ADCY2: variants seen among roughly 807,000 people sequenced by gnomAD.
ADCY2 encodes adenylate cyclase type 2.
Under a neutral mutation model 125.2 loss-of-function variants are expected in ADCY2, and 31 were observed. The ratio of observed to expected loss-of-function variants is 0.25; its 90% confidence interval spans 0.19 to 0.33. The LOEUF (loss-of-function observed/expected upper bound fraction) is 0.33, where lower values mean the gene tolerates loss of function less well. ADCY2 is among the 10% of genes least tolerant of loss of function. ADCY2 has a pLI of 1.00. For missense variants in ADCY2, 904 were observed against 1,418.2 expected (o/e 0.64, Z 5.82); for synonymous variants, 512 against 548.4 (o/e 0.93, Z 0.93).
At chr5:7,495,748 G>C (rs1743326074) in intron 2 of ADCY2, among the ~76,000 whole-genome samples, 1 of 152,020 alleles carries the variant, frequency 6.6e-6, no homozygotes, top group East Asian at 1.9e-4. Flanking sequence ...TGCTAAATCT[G>C]AACATTTTGA....
intron 4 of ADCY2, among the ~76,000 whole-genome samples, chr5:7,674,111 T>C (rs1740034796): frequency 6.6e-6 from 1 of 152,100 alleles, no homozygotes; most frequent in Non-Finnish European, 1.5e-5. Context: ...AGCTTCGGTG[T>C]TGGATTGACC....
chr5:7,688,739 G>A (rs1740613214), intron 4 of ADCY2, among the ~76,000 whole-genome samples: 1 of 152,124 alleles, frequency 6.6e-6, no homozygotes, highest in Non-Finnish European at 1.5e-5. Flanking sequence ...ACCACCCACA[G>A]GGTGCCTCAC....
intron 3 of ADCY2, among the ~76,000 whole-genome samples, chr5:7,550,445 A>G (rs527563800): frequency 3.9e-4 from 59 of 152,294 alleles, no homozygotes; most frequent in African/African-American, 1.4e-3. Flanking sequence ...GAATATCTCA[A>G]TGGCAGTGAC....
At chr5:7,664,762 A>T (rs1400202739) in intron 4 of ADCY2, among the ~76,000 whole-genome samples, 5 of 152,154 alleles carry the variant, frequency 3.3e-5, no homozygotes, top group African/African-American at 1.2e-4. Flanking sequence ...ATCATCAACT[A>T]AGAGACAGGC....
At chr5:7,484,661 C>T (rs1742857936) in intron 2 of ADCY2, among the ~76,000 whole-genome samples, 1 of 152,196 alleles carries the variant, frequency 6.6e-6, no homozygotes, top group Admixed American at 6.5e-5. Context: ...CTTCTATCCT[C>T]TTTCTTTCTA....
intron 2 of ADCY2, among the ~76,000 whole-genome samples, chr5:7,504,897 G>A (rs891833140): frequency 6.6e-6 from 1 of 151,654 alleles, no homozygotes; most frequent in Non-Finnish European, 1.5e-5. Context: ...TTTTAAGACA[G>A]GCTCTCATTT....
At chr5:7,706,604 G>T (rs1741274470) in intron 7 of ADCY2, 140 bp from the exon 8 acceptor site, 1 of 901,074 alleles carries the variant, frequency 1.1e-6, no homozygotes, top group Non-Finnish European at 1.7e-6. Flanking sequence ...TCAGAGGAGT[G>T]ATCTCCTGCC....
rs1579301382 is a variant in ADCY2 at position 7,673,261 on chromosome 5, A to AT, written c.721-17430_721-17429insT. 2.7e-3 allele frequency among the ~76,000 whole-genome samples: 20 copies of AT among 7,546 alleles called. No homozygotes were observed. In the East Asian group the frequency reaches 0.03, roughly 11 times the overall value. The allele number at this position is 7,546 out of a possible 152,430, so 5.0% of individuals were successfully genotyped here. A position where few individuals can be genotyped will look rare whatever the true frequency, so the allele number is the denominator to read the frequency against. On this transcript the variant is annotated intron_variant, in intron 4 of 24. Coordinates refer to ENST00000338316, the MANE Select transcript of ADCY2 (RefSeq NM_020546.3). ...CTCCAAAAAAAAAAAAAAAAAAAAA[A>AT]AAAAAAAAATATATATATATATATA...
At chr5:7,447,423 C>T (rs1045184742) in intron 2 of ADCY2, among the ~76,000 whole-genome samples, 4 of 152,180 alleles carry the variant, frequency 2.6e-5, no homozygotes, top group African/African-American at 4.8e-5. Context: ...ATAGGGATCC[C>T]TTCACTTCAG....
intron 2 of ADCY2, among the ~76,000 whole-genome samples, chr5:7,450,562 C>T (rs1020577439): frequency 1.3e-5 from 2 of 152,178 alleles, no homozygotes; most frequent in Admixed American, 1.3e-4. Context: ...AATGCTGATG[C>T]ATGTTATCTG....
chr5:7,810,048 A>G (rs1388848134), intron 22 of ADCY2, among the ~76,000 whole-genome samples: 1 of 151,978 alleles, frequency 6.6e-6, no homozygotes, highest in Admixed American at 6.6e-5. Context: ...TGCCCTCAAG[A>G]CCTCACTCTC....
chr5:7,826,597 C>T, intron 24 of ADCY2, 122 bp from the exon 25 acceptor site: 2 of 1,286,392 alleles, frequency 1.6e-6, no homozygotes, highest in South Asian at 2.4e-5. Context: ...CTACTAACTT[C>T]TCAGGAGTGG....
chr5:7,474,020 C>A (rs1375061295), intron 2 of ADCY2, among the ~76,000 whole-genome samples: 4 of 152,330 alleles, frequency 2.6e-5, no homozygotes, highest in Non-Finnish European at 5.9e-5. Flanking sequence ...CCCTGGGAAG[C>A]AGCTGTCTTT....
intron 4 of ADCY2, among the ~76,000 whole-genome samples, chr5:7,649,825 A>G (rs1739024839): frequency 6.6e-6 from 1 of 152,042 alleles, no homozygotes; most frequent in Non-Finnish European, 1.5e-5. Flanking sequence ...GGCCTCCTAA[A>G]CCAACTTTCC....
At chr5:7,586,777 T>A (rs1236196616) in intron 3 of ADCY2, among the ~76,000 whole-genome samples, 1 of 152,130 alleles carries the variant, frequency 6.6e-6, no homozygotes, top group African/African-American at 2.4e-5. Context: ...GGGAGTCCTC[T>A]TTAATTTACG....
intron 3 of ADCY2, among the ~76,000 whole-genome samples, chr5:7,557,033 C>T (rs1735528835): frequency 6.6e-6 from 1 of 151,506 alleles, no homozygotes; most frequent in South Asian, 2.1e-4. Context: ...TGCAAAGATG[C>T]CATTTTAAAA....
chr5:7,624,330 T>G (rs1283298863), intron 3 of ADCY2, among the ~76,000 whole-genome samples: 2 of 152,154 alleles, frequency 1.3e-5, no homozygotes, highest in Non-Finnish European at 2.9e-5. Flanking sequence ...TTACACCTAT[T>G]TGGAGAGTAC....
chr5:7,625,003 A>G (rs928138814), intron 3 of ADCY2, among the ~76,000 whole-genome samples: 5 of 152,258 alleles, frequency 3.3e-5, no homozygotes, highest in African/African-American at 9.6e-5. Context: ...GACCATTGTC[A>G]TACACTGTTG....
chr5:7,664,429 A>G (rs2126696648), intron 4 of ADCY2, among the ~76,000 whole-genome samples: 1 of 152,264 alleles, frequency 6.6e-6, no homozygotes, highest in East Asian at 1.9e-4. Context: ...GAAAGGAGAC[A>G]CTCCCTGCTG....
Sources: gnomAD v4.1 joint callset for allele counts (sites outside exome capture counted in the v4.1 genomes callset) on GRCh38, gnomAD v4.1.1 for gene constraint, MANE v1.5 for transcripts, NCBI Gene and HGNC (gene_info 2026-07-23, HGNC 2026-07-21) for gene names.